Variants in ARHGAP22 observed in about 807,000 individuals in gnomAD.
ARHGAP22 encodes the protein rho GTPase-activating protein 22.
Under a neutral mutation model 59.1 loss-of-function variants are expected in ARHGAP22, and 48 were observed. That is an observed-to-expected ratio of 0.81 (90% CI 0.64 to 1.03). The LOEUF (loss-of-function observed/expected upper bound fraction) is 1.03. Ranked by LOEUF, ARHGAP22 falls within the 50% of genes least tolerant of loss-of-function variation. ARHGAP22 has a pLI of 0.00. For synonymous variants in ARHGAP22, 445 were observed against 416.4 expected (o/e 1.07, Z -0.84); for missense variants, 1,015 against 958.7 (o/e 1.06, Z -0.78).
chr10:48,611,792 C>CCTTCCCTTCCCTTCT (rs2060894619), intron 1 of ARHGAP22, among the ~76,000 whole-genome samples: 1 of 140,354 alleles, frequency 7.1e-6, no homozygotes. Context: ...TGCTCCTTTC[C>CCTTCCCTTCCCTTCT]CTTCCCTTCC....
At chr10:48,588,501 A>G (rs941741600) in intron 1 of ARHGAP22, among the ~76,000 whole-genome samples, 35 of 152,162 alleles carry the variant, frequency 2.3e-4, no homozygotes, top group African/African-American at 8.2e-4. Flanking sequence ...TAATATTTAA[A>G]CCAGGCCTCA....
At chr10:48,624,292 A>C (rs1160147153) in intron 1 of ARHGAP22, 1 of 152,266 alleles carries the variant, frequency 6.6e-6, no homozygotes, top group Non-Finnish European at 1.5e-5. Context: ...ATACAAAAAA[A>C]CTAGCTGGAC....
At chr10:48,486,203 T>C (rs1281564122) in intron 3 of ARHGAP22, among the ~76,000 whole-genome samples, 3 of 152,166 alleles carry the variant, frequency 2.0e-5, no homozygotes, top group African/African-American at 7.2e-5. Context: ...TCATGTATGA[T>C]ATAAAGATCT....
intron 2 of ARHGAP22, among the ~76,000 whole-genome samples, chr10:48,568,334 G>A (rs1398730421): frequency 6.6e-6 from 1 of 152,178 alleles, no homozygotes; most frequent in Non-Finnish European, 1.5e-5. Context: ...ACATGTCCTG[G>A]GCAGCATGAG....
At chr10:48,610,565 TG>T (rs1190834349) in intron 1 of ARHGAP22, among the ~76,000 whole-genome samples, 4 of 152,146 alleles carry the variant, frequency 2.6e-5, no homozygotes, top group African/African-American at 9.7e-5. Context: ...GGATGCCTAG[TG>T]TGGGCTGAAT....
In ARHGAP22 at chr10:48,446,619, T is replaced by G. The variant is rs1289888942; in HGVS notation, c.1869A>C (p.Arg623Ser). 2 of 1,613,452 alleles carry G rather than the reference T, an allele frequency of 1.2e-6. No homozygotes were observed. Among genetic ancestry groups the G allele is most frequent in the African/African-American group, 2.7e-5 (2 of 74,878 alleles). ...QRTEYERSVK[R>S]IEEGSADLRK... is the part of the protein sequence containing the mutation. ...TCAGGTCAGCACTCCCTTCTTCGAT[T>G]CTGAAAAGTCAAGGAGAGATGCTGT... Residue 623 changes from arginine (R) to serine (S), a missense_variant and splice_region_variant, in exon 10 of 10, where the codon AGA (arginine) becomes AGC (serine). Transcript: ENST00000249601.
chr10:48,651,484 ACAGCT>A (rs1013718860), intron 1 of ARHGAP22, among the ~76,000 whole-genome samples: 2 of 147,918 alleles, frequency 1.4e-5, no homozygotes, highest in Non-Finnish European at 3.0e-5. Flanking sequence ...CCTCACCTGC[ACAGCT>A]CACCCAGTCA....
At chr10:48,489,353 G>A (rs1032741982) in intron 3 of ARHGAP22, among the ~76,000 whole-genome samples, 1 of 152,168 alleles carries the variant, frequency 6.6e-6, no homozygotes, top group African/African-American at 2.4e-5. Flanking sequence ...ACAGGCAAGT[G>A]GAGGTGTTGG....
At chr10:48,442,290 C>T (rs1353086757), downstream of ARHGAP22, among the ~76,000 whole-genome samples, 2 of 152,158 alleles carry the variant, frequency 1.3e-5, no homozygotes, top group African/African-American at 2.4e-5. Flanking sequence ...GAGGATTTGG[C>T]GTGTGCATGC....
At chr10:48,622,831 C>T (rs1391709928) in intron 1 of ARHGAP22, among the ~76,000 whole-genome samples, 2 of 152,178 alleles carry the variant, frequency 1.3e-5, no homozygotes, top group African/African-American at 2.4e-5. Flanking sequence ...CATATGGCTG[C>T]CTTTACACTG....
chr10:48,654,773 A>ACT (rs1554967764), upstream of ARHGAP22, among the ~76,000 whole-genome samples: 12 of 112,352 alleles, frequency 1.1e-4, no homozygotes, highest in African/African-American at 3.7e-4. Flanking sequence ...CATGCTGATT[A>ACT]CTTTCTTTCT....
chr10:48,526,227 T>C (rs1006811234), intron 3 of ARHGAP22, among the ~76,000 whole-genome samples: 1 of 152,044 alleles, frequency 6.6e-6, no homozygotes, highest in Non-Finnish European at 1.5e-5. Flanking sequence ...TAAATAAATG[T>C]GGGGGCAGGA....
chr10:48,556,360 G>A (rs576575567), intron 2 of ARHGAP22, among the ~76,000 whole-genome samples: 16 of 152,270 alleles, frequency 1.1e-4, no homozygotes, highest in South Asian at 4.1e-4. Flanking sequence ...TGTTATAACC[G>A]CTGTGATTGA....
At chr10:48,654,668 GGT>G (rs199944087), upstream of ARHGAP22, among the ~76,000 whole-genome samples, 2,190 of 12,750 alleles carry the variant, frequency 0.17, 58 homozygotes, top group African/African-American at 0.19. Flanking sequence ...CTGCCCCGCT[GGT>G]GTGGTGTGTG....
At chr10:48,496,811 A>G (rs1649143210) in intron 3 of ARHGAP22, among the ~76,000 whole-genome samples, 1 of 152,106 alleles carries the variant, frequency 6.6e-6, no homozygotes, top group Non-Finnish European at 1.5e-5. Flanking sequence ...TGCCCTATGG[A>G]GTTCACAAAC....
chr10:48,449,563 G>C (rs1005697744), intron 9 of ARHGAP22, among the ~76,000 whole-genome samples: 1 of 152,192 alleles, frequency 6.6e-6, no homozygotes, highest in African/African-American at 2.4e-5. Context: ...TGAACAGGTC[G>C]GCCAGCTAAC....
intron 3 of ARHGAP22, among the ~76,000 whole-genome samples, chr10:48,492,313 T>C (rs1278271372): frequency 1.3e-5 from 2 of 152,190 alleles, no homozygotes. Flanking sequence ...CAGCAATGTA[T>C]GATTTGTCAC....
intron 2 of ARHGAP22, among the ~76,000 whole-genome samples, chr10:48,571,607 A>G (rs745364904): frequency 5.3e-5 from 8 of 152,202 alleles, no homozygotes; most frequent in Non-Finnish European, 1.2e-4. Flanking sequence ...GATAGTACTC[A>G]TTCCTAAATT....
At chr10:48,613,336 C>G (rs2060964322) in intron 1 of ARHGAP22, among the ~76,000 whole-genome samples, 1 of 151,898 alleles carries the variant, frequency 6.6e-6, no homozygotes. Flanking sequence ...CTCATCTATC[C>G]CAGTTAAAAA....
Sources: gnomAD v4.1 joint callset for allele counts (sites outside exome capture counted in the v4.1 genomes callset) on GRCh38, gnomAD v4.1.1 for gene constraint, MANE v1.5 for transcripts, NCBI Gene and HGNC (gene_info 2026-07-23, HGNC 2026-07-21) for gene names.